PLEKHH2: variants seen among roughly 807,000 people sequenced by gnomAD.
PLEKHH2 encodes the protein pleckstrin homology, MyTH4 and FERM domain containing H2, also known as pleckstrin homology domain-containing family H member 2.
In PLEKHH2, 129 loss-of-function variants were observed where a neutral mutation model predicts 187.9. The observed-to-expected ratio is 0.69, with a 90% CI of 0.59 to 0.79. PLEKHH2 has a LOEUF of 0.79. Ranked by LOEUF, PLEKHH2 falls within the 30% of genes least tolerant of loss-of-function variation. PLEKHH2 has a pLI of 0.00. For missense variants in PLEKHH2, 2,076 were observed against 1,751.2 expected (o/e 1.19, Z -3.31); for synonymous variants, 686 against 605.6 (o/e 1.13, Z -1.95).
At chr2:43,672,689 G>T (rs1424352844) in intron 2 of PLEKHH2, among the ~76,000 whole-genome samples, 2 of 152,154 alleles carry the variant, frequency 1.3e-5, no homozygotes, top group Non-Finnish European at 2.9e-5. Flanking sequence ...CCCTCTAAGG[G>T]AGCAGAATTA....
At chr2:43,751,028 C>T (rs1014270931) in intron 24 of PLEKHH2, among the ~76,000 whole-genome samples, 2 of 152,194 alleles carry the variant, frequency 1.3e-5, no homozygotes, top group African/African-American at 4.8e-5. Flanking sequence ...CTATGTGGCC[C>T]TGAGCAAGTC....
chr2:43,758,275 CAG>C (rs1672293180), intron 26 of PLEKHH2, among the ~76,000 whole-genome samples: 1 of 152,110 alleles, frequency 6.6e-6, no homozygotes, highest in Non-Finnish European at 1.5e-5. Context: ...TTGTTTAAGA[CAG>C]AGTCTTGCTC....
At chr2:43,705,264 T>C (rs1669601099) in intron 9 of PLEKHH2, among the ~76,000 whole-genome samples, 1 of 144,678 alleles carries the variant, frequency 6.9e-6, no homozygotes, top group African/African-American at 2.6e-5. Context: ...TTTTTTTTTT[T>C]TTTTTTTTTG....
intron 18 of PLEKHH2, 101 bp downstream of exon 18, chr2:43,729,846 GA>G: frequency 1.5e-6 from 1 of 668,628 alleles, no homozygotes; most frequent in Non-Finnish European, 2.3e-6. Context: ...CTGTTTCCCT[GA>G]AATATACCCA....
At chr2:43,697,131 TAAAAA>T in intron 6 of PLEKHH2, 35 bp from the exon 7 acceptor site, 1 of 1,483,724 alleles carries the variant, frequency 6.7e-7, no homozygotes, top group Non-Finnish European at 9.1e-7. Context: ...CAAACTTCTA[TAAAAA>T]ATTCAAATCT....
At chr2:43,711,656 C>G in intron 14 of PLEKHH2, 2 of 808,642 alleles carry the variant, frequency 2.5e-6, no homozygotes, top group Non-Finnish European at 3.0e-6. Flanking sequence ...CTTCAGGAGG[C>G]TGAGGCAGGC....
At chr2:43,676,241 G>A in intron 2 of PLEKHH2, 1 of 1,613,904 alleles carries the variant, frequency 6.2e-7, no homozygotes, top group South Asian at 1.1e-5. Flanking sequence ...ATGTGAATTT[G>A]GCCAAACATA....
intron 2 of PLEKHH2, chr2:43,676,265 A>C (rs772806970): frequency 6.8e-6 from 11 of 1,613,674 alleles, no homozygotes; most frequent in Non-Finnish European, 8.5e-6. Flanking sequence ...ATCAAAACCC[A>C]GGAAATGCTC....
chr2:43,703,942 G>GTT, intron 8 of PLEKHH2, 39 bp from the exon 9 acceptor site: 1 of 258,334 alleles, frequency 3.9e-6, no homozygotes, highest in Non-Finnish European at 6.5e-6. Context: ...TTTTTTTTTT[G>GTT]CTTTAAATAC....
At chr2:43,748,760 CT>C (rs35066741) in intron 24 of PLEKHH2, among the ~76,000 whole-genome samples, 3,544 of 146,410 alleles carry the variant, frequency 0.024, 122 homozygotes, top group African/African-American at 0.079. Flanking sequence ...TTCAGGCATT[CT>C]TTTTTTTTTT....
rs374782796 is a variant in PLEKHH2 at position 43,765,892 on chromosome 2, G to GCTTTT, written c.*310_*314dup. ...GTCATCAGACACATTGTGCAATGTG[G>GCTTTT]CTTTTCTTTTCTTTTCTTTTTTTCC... is the stretch of plus-strand genomic sequence containing the variant. On this transcript the variant is annotated 3_prime_UTR_variant, in exon 30 of 30. Coordinates refer to ENST00000282406, the MANE Select transcript of PLEKHH2 (RefSeq NM_172069.4). 3 of 293,552 alleles carry GCTTTT rather than the reference G, an allele frequency of 1.0e-5. No individual in the cohort carries two copies. Among genetic ancestry groups the GCTTTT allele is most frequent in the South Asian group, 1.6e-4 (1 of 6,306 alleles). The allele number at this position is 293,552 out of a possible 1,614,324, so 18.2% of individuals were successfully genotyped here.
At chr2:43,702,397 C>T (rs1234012217) in intron 8 of PLEKHH2, among the ~76,000 whole-genome samples, 3 of 152,074 alleles carry the variant, frequency 2.0e-5, no homozygotes, top group Non-Finnish European at 4.4e-5. Context: ...GCATGTGAAT[C>T]TCTGGAATTC....
chr2:43,730,682 A>G (rs1467321196), intron 18 of PLEKHH2, among the ~76,000 whole-genome samples: 1 of 152,236 alleles, frequency 6.6e-6, no homozygotes, highest in Non-Finnish European at 1.5e-5. Flanking sequence ...TACAGGCATG[A>G]GCCACTGTGC....
intron 20 of PLEKHH2, among the ~76,000 whole-genome samples, chr2:43,738,955 A>C (rs1328720042): frequency 1.3e-5 from 2 of 152,160 alleles, no homozygotes; most frequent in Non-Finnish European, 2.9e-5. Context: ...GCAATGGCAC[A>C]ATGTCGGCTC....
chr2:43,659,337 G>A (rs1222391864), intron 2 of PLEKHH2, among the ~76,000 whole-genome samples: 1 of 151,208 alleles, frequency 6.6e-6, no homozygotes, highest in Non-Finnish European at 1.5e-5. Flanking sequence ...GGTCGTTCTT[G>A]TTTAACACCT....
chr2:43,710,762 G>A, intron 14 of PLEKHH2, 187 bp downstream of exon 14: 1 of 1,366,110 alleles, frequency 7.3e-7, no homozygotes, highest in Non-Finnish European at 9.5e-7. Flanking sequence ...TGTAAGTTAG[G>A]TGTGTGTTGA....
chr2:43,681,280 A>G, intron 3 of PLEKHH2: 3 of 710,132 alleles, frequency 4.2e-6, no homozygotes, highest in Non-Finnish European at 7.1e-6. Flanking sequence ...GGGTGATGCC[A>G]TGCTGGCTGA....
rs555148542 is a variant in PLEKHH2, at chr2:43,724,026, A to G, written c.2542-2246A>G. Among the ~76,000 whole-genome samples the G allele has an allele frequency of 1.5e-3, 228 of 152,276 alleles. 1 individual carries two copies. Among genetic ancestry groups the G allele is most frequent in the African/African-American group, 5.3e-3 (219 of 41,546 alleles). On this transcript the variant is annotated intron_variant, in intron 16 of 29. Transcript: ENST00000282406. The stretch of plus-strand genomic sequence containing the variant: ...ATTGACTGAAAAGTCAGTATGAGAG[A>G]CTGCAATGATGCCAAGGTTTTGGGT...
intron 2 of PLEKHH2, among the ~76,000 whole-genome samples, chr2:43,671,591 G>T (rs763937772): frequency 6.6e-6 from 1 of 152,040 alleles, no homozygotes; most frequent in African/African-American, 2.4e-5. Flanking sequence ...TTAGTTATAG[G>T]TTTTTTTGTA....
Sources: allele counts gnomAD v4.1 joint callset (sites outside exome capture counted in the v4.1 genomes callset), GRCh38; gene constraint gnomAD v4.1.1; transcripts MANE v1.5; gene names NCBI Gene and HGNC (gene_info 2026-07-23, HGNC 2026-07-21).